RIN2: variants seen among roughly 807,000 people sequenced by gnomAD.
The protein encoded by RIN2 is RAB5 interacting protein 2.
Under a neutral mutation model 78.0 loss-of-function variants are expected in RIN2, and 36 were observed. The observed-to-expected ratio is 0.46, with a 90% CI of 0.35 to 0.61. The LOEUF is 0.61. Ranked by LOEUF, RIN2 falls within the 20% of genes least tolerant of loss-of-function variation. The pLI is 0.00. For synonymous variants in RIN2, 466 were observed against 466.8 expected, an observed-to-expected ratio of 1.00 and a Z score of 0.02; for missense variants, 1,087 against 1,159.7, an observed-to-expected ratio of 0.94 and a Z score of 0.91.
upstream of RIN2, chr20:19,758,002 G>A (rs1023468497): frequency 2.0e-5 from 3 of 152,346 alleles, no homozygotes; most frequent in Non-Finnish European, 4.4e-5. Context: ...ATGGAGGGAT[G>A]GGCCGGACCT....
At chr20:19,859,413 G>T (rs1196169797) in intron 2 of RIN2, among the ~76,000 whole-genome samples, 1 of 152,230 alleles carries the variant, frequency 6.6e-6, no homozygotes, top group South Asian at 2.1e-4. Flanking sequence ...TTGACTAGAG[G>T]GTCAAATAGG....
At chr20:19,806,483 C>T (rs1204025845) in intron 2 of RIN2, among the ~76,000 whole-genome samples, 2 of 152,176 alleles carry the variant, frequency 1.3e-5, no homozygotes, top group Non-Finnish European at 2.9e-5. Flanking sequence ...ACGTTGCCAC[C>T]CATTTTTCCA....
At chr20:19,927,667 G>T (rs11696148) in intron 3 of RIN2, among the ~76,000 whole-genome samples, 10,948 of 151,702 alleles carry the variant, frequency 0.072, 496 homozygotes, top group East Asian at 0.25. Flanking sequence ...TGCCCACCTT[G>T]GCCTCCAAAA....
In RIN2 at chr20:19,840,578, G is replaced by A. The variant is rs140601417; in HGVS notation, c.-37+40831G>A. Among the ~76,000 whole-genome samples the A allele has an allele frequency of 2.5e-3, 383 of 152,272 alleles. 2 individuals carry two copies. The highest frequency in any genetic ancestry group is 3.7e-3 in the Non-Finnish European group (254 of 68,012). On this transcript the variant is annotated intron_variant, in intron 2 of 12. Coordinates refer to ENST00000255006, the MANE Select transcript of RIN2 (RefSeq NM_018993.4). The stretch of plus-strand genomic sequence containing the variant: ...GTTCATGGGCTTCTGTCAAGGGTAA[G>A]TCCCCATGCCCCTTAGCCAACCAGA...
intron 2 of RIN2, among the ~76,000 whole-genome samples, chr20:19,802,509 G>A (rs1198010880): frequency 1.3e-5 from 2 of 151,744 alleles, no homozygotes; most frequent in Non-Finnish European, 2.9e-5. Context: ...AGTTCCTGGG[G>A]CTTGGCCTCC....
intron 9 of RIN2, among the ~76,000 whole-genome samples, chr20:19,988,047 T>A (rs1033750601): frequency 1.3e-5 from 2 of 152,178 alleles, no homozygotes; most frequent in Admixed American, 1.3e-4. Flanking sequence ...TAATAATAGG[T>A]AATCATTTGA....
At chr20:19,985,043 G>A (rs569012692) in intron 9 of RIN2, among the ~76,000 whole-genome samples, 36 of 152,278 alleles carry the variant, frequency 2.4e-4, no homozygotes, top group Admixed American at 9.2e-4. Flanking sequence ...GCCTCCCCAC[G>A]GCTCCCAGGG....
chr20:19,887,770 G>C (rs2038261606), intron 2 of RIN2, among the ~76,000 whole-genome samples: 1 of 152,192 alleles, frequency 6.6e-6, no homozygotes. Flanking sequence ...ATGAAGTCTT[G>C]GCTCTCGTTT....
At chr20:19,942,052 A>C (rs1363923217) in intron 4 of RIN2, among the ~76,000 whole-genome samples, 1 of 151,130 alleles carries the variant, frequency 6.6e-6, no homozygotes, top group Non-Finnish European at 1.5e-5. Flanking sequence ...GGAGGTTGTC[A>C]TGAGCCGAGA....
At chr20:19,879,996 C>T (rs1333910924) in intron 2 of RIN2, among the ~76,000 whole-genome samples, 1 of 152,100 alleles carries the variant, frequency 6.6e-6, no homozygotes, top group African/African-American at 2.4e-5. Flanking sequence ...CTCATGCCAT[C>T]CCAGCACTTT....
At chr20:19,937,381 G>A (rs950849887) in intron 4 of RIN2, among the ~76,000 whole-genome samples, 3 of 152,248 alleles carry the variant, frequency 2.0e-5, no homozygotes, top group Non-Finnish European at 4.4e-5. Flanking sequence ...CACGTCTGAC[G>A]GCTGCAGGAA....
chr20:19,869,861 C>A (rs1177347663), intron 2 of RIN2, among the ~76,000 whole-genome samples: 4 of 149,974 alleles, frequency 2.7e-5, no homozygotes, highest in African/African-American at 9.9e-5. Flanking sequence ...GCTATGTTGC[C>A]CAGATGACAG....
intron 4 of RIN2, among the ~76,000 whole-genome samples, chr20:19,951,802 T>G (rs2041327986): frequency 6.6e-6 from 1 of 152,234 alleles, no homozygotes; most frequent in Admixed American, 6.5e-5. Context: ...CTTCCTGCCC[T>G]GAGCTTGGCT....
intron 2 of RIN2, among the ~76,000 whole-genome samples, chr20:19,864,968 T>C (rs16981242): frequency 0.27 from 41,057 of 152,156 alleles, 6,891 homozygotes; most frequent in African/African-American, 0.49. Context: ...ACAAGTTTTA[T>C]TTCTTCATTT....
intron 2 of RIN2, among the ~76,000 whole-genome samples, chr20:19,849,729 G>C (rs1224450287): frequency 6.6e-6 from 1 of 152,044 alleles, no homozygotes; most frequent in Non-Finnish European, 1.5e-5. Context: ...ACTCCCAAAA[G>C]GAAATAGTTT....
chr20:19,861,021 G>T (rs1409876560), intron 2 of RIN2, among the ~76,000 whole-genome samples: 1 of 152,122 alleles, frequency 6.6e-6, no homozygotes. Context: ...CATTCGGTCA[G>T]GTCTAAACCC....
At chr20:19,934,995 G>T in intron 3 of RIN2, 104 bp from the exon 4 acceptor site, 5 of 632,186 alleles carry the variant, frequency 7.9e-6, no homozygotes, top group Non-Finnish European at 1.3e-5. Flanking sequence ...AATAGAAAAA[G>T]ATGGTCATCT....
chr20:19,933,565 C>A (rs1165014399), intron 3 of RIN2, among the ~76,000 whole-genome samples: 1 of 152,140 alleles, frequency 6.6e-6, no homozygotes, highest in Non-Finnish European at 1.5e-5. Context: ...GAACTGAGAT[C>A]TTCTCAGCTC....
chr20:19,945,355 G>T (rs1217501492), intron 4 of RIN2, among the ~76,000 whole-genome samples: 1 of 152,096 alleles, frequency 6.6e-6, no homozygotes, highest in East Asian at 1.9e-4. Flanking sequence ...GGGTGGCTTT[G>T]ATTCCGGATA....
Sources: gnomAD v4.1 joint callset for allele counts (sites outside exome capture counted in the v4.1 genomes callset) on GRCh38, gnomAD v4.1.1 for gene constraint, MANE v1.5 for transcripts, NCBI Gene and HGNC (gene_info 2026-07-23, HGNC 2026-07-21) for gene names.